EML4: variants seen among roughly 807,000 people sequenced by gnomAD.
EML4 encodes echinoderm microtubule-associated protein-like 4.
In EML4, 72 loss-of-function variants were observed where a neutral mutation model predicts 129.0. The observed-to-expected ratio is 0.56, with a 90% CI of 0.46 to 0.68. The LOEUF is 0.68. EML4 is among the 30% of genes least tolerant of loss of function. The pLI is 0.00. For synonymous variants in EML4, 532 were observed against 405.0 expected (o/e 1.31, Z -3.77); for missense variants, 1,363 against 1,190.6 (o/e 1.14, Z -2.13).
intron 1 of EML4, chr2:42,169,963 C>T (rs1005281306): frequency 3.4e-6 from 1 of 295,280 alleles, no homozygotes; most frequent in African/African-American, 2.2e-5. Flanking sequence ...CGGCTCCCTC[C>T]ACTTACCCCC....
At chr2:42,283,201 A>G (rs897370246) in intron 8 of EML4, among the ~76,000 whole-genome samples, 1 of 152,124 alleles carries the variant, frequency 6.6e-6, no homozygotes, top group Non-Finnish European at 1.5e-5. Context: ...CATGATTGGA[A>G]CCTCTTCTGC....
intron 1 of EML4, among the ~76,000 whole-genome samples, chr2:42,186,176 A>G (rs926893246): frequency 1.8e-4 from 27 of 152,118 alleles, no homozygotes; most frequent in Non-Finnish European, 1.2e-4. Context: ...CAGTTTTCCT[A>G]TTTTCCAAAT....
intron 17 of EML4, among the ~76,000 whole-genome samples, chr2:42,313,843 C>G (rs140640885): frequency 6.6e-6 from 1 of 151,830 alleles, no homozygotes; most frequent in Non-Finnish European, 1.5e-5. Context: ...ACACGAGAAT[C>G]GCTTGAACCC....
At chr2:42,210,966 G>T (rs1048590512) in intron 1 of EML4, among the ~76,000 whole-genome samples, 16 of 152,312 alleles carry the variant, frequency 1.1e-4, no homozygotes, top group African/African-American at 3.4e-4. Flanking sequence ...TTAGCAAAAT[G>T]TTAGAGAGGT....
At chr2:42,302,959 A>G in intron 14 of EML4, 145 bp from the exon 15 acceptor site, 1 of 648,814 alleles carries the variant, frequency 1.5e-6, no homozygotes, top group South Asian at 2.0e-5. Context: ...GGACAAATAA[A>G]TTAGTAGTAG....
chr2:42,245,659 C>G lies in EML4; in HGVS notation c.180C>G (p.Ala60=). ...TTGCAATCTCTGAAGATCATGTGGC[C>G]TCAGTGAAAAAATCAGTCTCAAGTA... ...RRLAISEDHV[A]SVKKSVSSKG... The change falls in exon 2 of 23, where the codon GCC becomes GCG. Residue 60 remains alanine, a synonymous_variant. Transcript: ENST00000318522. 3 of 1,610,348 alleles carry G rather than the reference C, an allele frequency of 1.9e-6. No homozygotes were observed. Among genetic ancestry groups the G allele is most frequent in the Middle Eastern group, 1.7e-4 (1 of 6,036 alleles).
intron 10 of EML4, among the ~76,000 whole-genome samples, chr2:42,287,346 T>G (rs760051800): frequency 3.9e-4 from 60 of 152,226 alleles, no homozygotes; most frequent in Non-Finnish European, 8.1e-4. Context: ...CTTTATTTTC[T>G]CCCATAAATC....
chr2:42,170,659 G>C (rs1320246479), intron 1 of EML4, among the ~76,000 whole-genome samples: 2 of 152,236 alleles, frequency 1.3e-5, no homozygotes, highest in African/African-American at 4.8e-5. Flanking sequence ...TCAACTGTTA[G>C]AATGGTGAGA....
rs1427575182 is a variant in EML4, at chr2:42,330,303, G to C, written c.*96G>C. ...TGGGCAGTGATGGAGAATCACTGTT[G>C]ATTGAGATTTTGGTTTCCATGTGAT... On this transcript the variant is annotated 3_prime_UTR_variant, in exon 23 of 23. Transcript: ENST00000318522. The C allele has an allele frequency of 1.7e-6, 2 of 1,145,478 alleles. No individual in the cohort carries two copies. Among genetic ancestry groups the C allele is most frequent in the South Asian group, 1.3e-5 (1 of 77,740 alleles). 71.0% of individuals were successfully genotyped at this position (1,145,478 alleles called of 1,614,324 possible). A position where few individuals can be genotyped will look rare whatever the true frequency, so the allele number is the denominator to read the frequency against.
chr2:42,203,167 C>A (rs1215851643), intron 1 of EML4, among the ~76,000 whole-genome samples: 3 of 152,126 alleles, frequency 2.0e-5, no homozygotes, highest in African/African-American at 7.2e-5. Flanking sequence ...CACTCTATAA[C>A]GTATGCATAT....
At position 42,255,564 on chromosome 2, in the gene EML4, G is replaced by T. The variant is rs1015552511; in HGVS notation, c.209-937G>T. ...TAAAAAGCTACTGATATAACAATAA[G>T]TAACTTGTTTGACGTACTAGAACTA... On this transcript the variant is annotated intron_variant, in intron 2 of 22. Transcript: ENST00000318522. Among the ~76,000 whole-genome samples, 3 of 152,136 alleles carry T rather than the reference G, an allele frequency of 2.0e-5. No individual in the cohort carries two copies. In the East Asian group the frequency reaches 5.8e-4, roughly 29 times the overall value.
rs769058958 is a variant in EML4, at chr2:42,315,972, C to G, written c.1978C>G (p.Leu660Val). ...IGTHSGRWFV[L>V]DAETRDLVSI... The stretch of plus-strand genomic sequence containing the variant: ...TTTACTTCTTAACAGGTGGTTTGTT[C>G]TGGATGCAGAAACCAGAGATCTAGT... The change falls in exon 18 of 23, where the codon CTG (leucine) becomes GTG (valine). Residue 660 changes from leucine to valine, a missense_variant. By Grantham distance (32) the Leu-to-Val change is conservative. Coordinates refer to ENST00000318522, the MANE Select transcript of EML4 (RefSeq NM_019063.5). 1.2e-6 allele frequency: 2 copies of G among 1,611,922 alleles called. No homozygotes were observed. The highest frequency in any genetic ancestry group is 1.7e-5 in the Admixed American group (1 of 59,910).
intron 13 of EML4, 99 bp downstream of exon 13, chr2:42,295,615 A>G: frequency 9.9e-7 from 1 of 1,007,482 alleles, no homozygotes; most frequent in East Asian, 2.6e-5. Flanking sequence ...GCAGTGTAAC[A>G]ATATGAGCAA....
intron 1 of EML4, among the ~76,000 whole-genome samples, chr2:42,235,055 GGAGGCT>G (rs1429873894): frequency 6.6e-6 from 1 of 152,180 alleles, no homozygotes; most frequent in African/African-American, 2.4e-5. Flanking sequence ...CAGCACTTTG[GGAGGCT>G]GAGGTGGGTG....
At chr2:42,265,303 C>A (rs895845542) in intron 6 of EML4, among the ~76,000 whole-genome samples, 1 of 152,150 alleles carries the variant, frequency 6.6e-6, no homozygotes, top group African/African-American at 2.4e-5. Context: ...CGGGGTTTCA[C>A]CATGTTGGCC....
chr2:42,281,064 C>CAA (rs878979316), intron 7 of EML4, 91 bp downstream of exon 7: 102 of 816,576 alleles, frequency 1.2e-4, no homozygotes, highest in Middle Eastern at 2.8e-4. Flanking sequence ...TGTCTTTATA[C>CAA]AAAAAAAAAA....
intron 6 of EML4, among the ~76,000 whole-genome samples, chr2:42,268,119 C>CT (rs1019630608): frequency 2.6e-5 from 4 of 152,194 alleles, no homozygotes; most frequent in Non-Finnish European, 5.9e-5. Flanking sequence ...TCAAGTACAA[C>CT]TGGCCTTCCA....
At chr2:42,230,826 A>T (rs183330630) in intron 1 of EML4, among the ~76,000 whole-genome samples, 1 of 152,210 alleles carries the variant, frequency 6.6e-6, no homozygotes, top group South Asian at 2.1e-4. Context: ...ATTCTTAGAT[A>T]AAAGTATCTC....
At chr2:42,324,016 C>T (rs1419244186) in intron 19 of EML4, among the ~76,000 whole-genome samples, 2 of 150,938 alleles carry the variant, frequency 1.3e-5, no homozygotes, top group Non-Finnish European at 3.0e-5. Context: ...AAATAAAGGC[C>T]AGGTGCAGTG....
Sources: gnomAD v4.1 joint callset for allele counts (sites outside exome capture counted in the v4.1 genomes callset) on GRCh38, gnomAD v4.1.1 for gene constraint, MANE v1.5 for transcripts, NCBI Gene and HGNC (gene_info 2026-07-23, HGNC 2026-07-21) for gene names.